The following PAX6 variants were observed in gnomAD, a reference collection of about 807,000 sequenced individuals.
PAX6 encodes the protein paired box 6, also known as paired box protein Pax-6.
PAX6 carries 7 observed loss-of-function variants against 60.7 expected under a neutral mutation model. The ratio of observed to expected loss-of-function variants is 0.12; its 90% CI spans 0.07 to 0.22. The LOEUF (loss-of-function observed/expected upper bound fraction) is 0.22. PAX6 is among the 10% of genes least tolerant of loss of function. The pLI, the probability that PAX6 is intolerant of heterozygous loss-of-function variation, is 1.00. For synonymous variants in PAX6, 208 were observed against 201.2 expected, an observed-to-expected ratio of 1.03 and a Z score of -0.29; for missense variants, 355 against 555.2, an observed-to-expected ratio of 0.64 and a Z score of 3.62.
chr11:31,796,810 G>T (rs1951718259), intron 8 of PAX6, among the ~76,000 whole-genome samples: 1 of 151,600 alleles, frequency 6.6e-6, no homozygotes, highest in African/African-American at 2.4e-5. Flanking sequence ...GAGGATGAGG[G>T]CCAGAGAATA....
At chr11:31,790,091 G>A (rs1592351883) in intron 13 of PAX6, 72 bp from the exon 14 acceptor site, 13 of 177,760 alleles carry the variant, frequency 7.3e-5, no homozygotes, top group South Asian at 6.2e-4. Flanking sequence ...CAAATTTATA[G>A]GTTTACAAAA....
At chr11:31,790,458 T>C (rs1342845412) in intron 13 of PAX6, 7 of 1,354,408 alleles carry the variant, frequency 5.2e-6, no homozygotes, top group Non-Finnish European at 6.7e-6. Context: ...CTCAGAAAAC[T>C]TGCAGTCTCA....
rs973693066 is a variant in PAX6, at chr11:31,789,354, CT to C, written c.*579del. ...TTCTTCCTTGAATTTATATCTTACC[CT>C]TTTTTGCACATAAACTTCATCTGTT... On this transcript the variant is annotated 3_prime_UTR_variant, in exon 14 of 14. Coordinates refer to ENST00000640368, the MANE Select transcript of PAX6 (RefSeq NM_001368894.2). 5 of 273,486 alleles carry C rather than the reference CT, an allele frequency of 1.8e-5. No individual in the cohort carries two copies. Among genetic ancestry groups the C allele is most frequent in the Non-Finnish European group, 3.4e-5 (5 of 146,480 alleles). The allele number at this position is 273,486 out of a possible 1,614,324, so 16.9% of individuals were successfully genotyped here.
intron 4 of PAX6, chr11:31,804,436 G>A (rs2135220429): frequency 6.6e-6 from 1 of 152,362 alleles, no homozygotes; most frequent in East Asian, 1.9e-4. Context: ...GCTTGGGGCT[G>A]AGGGGGGGCC....
At chr11:31,816,812 T>C (rs1957403337) in intron 1 of PAX6, among the ~76,000 whole-genome samples, 1 of 151,932 alleles carries the variant, frequency 6.6e-6, no homozygotes, top group African/African-American at 2.4e-5. Context: ...CGAGTGGGAG[T>C]GGGGGTTGGG....
At chr11:31,792,101 T>A (rs1381214178) in intron 12 of PAX6, 1 of 152,246 alleles carries the variant, frequency 6.6e-6, no homozygotes. Flanking sequence ...TACATGAAAC[T>A]GAACGAGACA....
At chr11:31,798,897 A>AG (rs944865253) in intron 8 of PAX6, among the ~76,000 whole-genome samples, 1 of 152,162 alleles carries the variant, frequency 6.6e-6, no homozygotes. Flanking sequence ...AAGAAGCGGA[A>AG]GGGGGGTGTA....
At chr11:31,792,662 C>G (rs1378860142) in intron 12 of PAX6, 5 of 156,104 alleles carry the variant, frequency 3.2e-5, no homozygotes, top group Non-Finnish European at 5.7e-5. Flanking sequence ...CTAGTACAAA[C>G]CATCTGCCTT....
chr11:31,807,863 T>G (rs1956202593), intron 2 of PAX6: 1 of 148,630 alleles, frequency 6.7e-6, no homozygotes, highest in African/African-American at 2.5e-5. Flanking sequence ...AGTGCAGGGG[T>G]CCCCGAGGCT....
At chr11:31,813,748 T>C (rs2135435688), upstream of PAX6, among the ~76,000 whole-genome samples, 1 of 152,186 alleles carries the variant, frequency 6.6e-6, no homozygotes, top group East Asian at 1.9e-4. Flanking sequence ...GTGTCAATAT[T>C]TGGGGAGGGG....
intron 1 of PAX6, among the ~76,000 whole-genome samples, chr11:31,816,946 G>A (rs1957410544): frequency 1.3e-5 from 2 of 152,218 alleles, no homozygotes; most frequent in South Asian, 4.1e-4. Flanking sequence ...ACTTTCGCCC[G>A]GCTGAACCAC....
chr11:31,813,825 T>C (rs1592668881), upstream of PAX6, among the ~76,000 whole-genome samples: 1 of 152,236 alleles, frequency 6.6e-6, no homozygotes, highest in Non-Finnish European at 1.5e-5. Flanking sequence ...TGAGATTTCC[T>C]CGTTCTCTCT....
chr11:31,793,192 T>A (rs1192673087), intron 12 of PAX6: 2 of 668,144 alleles, frequency 3.0e-6, no homozygotes, highest in Non-Finnish European at 5.5e-6. Context: ...AACAGTATAA[T>A]AAAAGGCAGA....
chr11:31,802,860 G>A, intron 4 of PAX6, 26 bp from the exon 5 acceptor site: 2 of 1,611,392 alleles, frequency 1.2e-6, no homozygotes, highest in East Asian at 2.2e-5. Flanking sequence ...GGAGAGGAAA[G>A]GGGAAAAGAA....
chr11:31,816,009 T>A (rs946151016), upstream of PAX6, among the ~76,000 whole-genome samples: 1 of 152,108 alleles, frequency 6.6e-6, no homozygotes, highest in African/African-American at 2.4e-5. Flanking sequence ...GGAAAGGGAA[T>A]GAAAAATGAA....
At chr11:31,814,990 G>GTGTCTCTCTCTCTCTCTCTCTC (rs1957305963), upstream of PAX6, 1 of 130,368 alleles carries the variant, frequency 7.7e-6, no homozygotes, top group Non-Finnish European at 1.6e-5. Flanking sequence ...AGGCCAGCCT[G>GTGTCTCTCTCTCTCTCTCTCTC]TCTCTCTCTC....
At chr11:31,801,405 G>C (rs894078221) in intron 7 of PAX6, 156 bp downstream of exon 7, 1 of 1,526,000 alleles carries the variant, frequency 6.6e-7, no homozygotes, top group African/African-American at 1.4e-5. Flanking sequence ...GAAAAGTCAG[G>C]GCATTCCTCT....
chr11:31,794,779 T>C lies in PAX6; in HGVS notation c.575A>G (p.Gln192Arg), dbSNP rs1226052175. Residue 192 changes from glutamine (Q) to arginine (R), a missense_variant, in exon 9 of 14, where the codon CAG (glutamine) becomes CGG (arginine). By Grantham distance (43) the Gln-to-Arg change is conservative. This residue lies in a region of PAX6 where 143 missense variants were observed against 183.6 expected (regional missense o/e 0.78). Transcript: ENST00000640368. Reference sequence around the variant, plus strand: ...ATTCTCTCCCCCTCCTTCCTGTTGCTGGCAGCCATCTGGAACAAAAAGAAT... The same window carrying C: ...ATTCTCTCCCCCTCCTTCCTGTTGCCGGCAGCCATCTGGAACAAAAAGAAT... Reference protein sequence around the residue: ...VPGQPTQDGCQQQEGGGENTN... With the variant: ...VPGQPTQDGCRQQEGGGENTN... 4 of 1,614,058 alleles carry C rather than the reference T, an allele frequency of 2.5e-6. No individual in the cohort carries two copies. The highest frequency in any genetic ancestry group is 2.5e-6 in the Non-Finnish European group (3 of 1,180,024).
chr11:31,812,615 T>A (rs907036882), upstream of PAX6: 2 of 152,106 alleles, frequency 1.3e-5, no homozygotes, highest in African/African-American at 4.8e-5. Context: ...GCAGTTAAGG[T>A]GACAGGAGAG....
Sources: allele counts gnomAD v4.1 joint callset (sites outside exome capture counted in the v4.1 genomes callset), GRCh38; gene constraint gnomAD v4.1.1; regional missense constraint gnomAD v4.1.1; transcripts MANE v1.5; gene names NCBI Gene and HGNC (gene_info 2026-07-23, HGNC 2026-07-21).